ATP1A3: variants seen among roughly 807,000 people sequenced by gnomAD.
ATP1A3 encodes the protein sodium/potassium-transporting ATPase subunit alpha-3.
A neutral mutation model predicts 108.8 loss-of-function variants in ATP1A3; 12 were observed. That is an observed-to-expected ratio of 0.11 (90% CI 0.07 to 0.18). ATP1A3 has a LOEUF of 0.18. ATP1A3 is among the 10% of genes least tolerant of loss of function. The probability of loss-of-function intolerance (pLI) is 1.00; values close to 1 mark genes in which losing one functional copy is unlikely to be tolerated. For missense variants in ATP1A3, 498 were observed against 1,387.7 expected, an observed-to-expected ratio of 0.36 and a Z score of 10.19; for synonymous variants, 539 against 564.5, an observed-to-expected ratio of 0.95 and a Z score of 0.64.
intron 1 of ATP1A3, 76 bp downstream of exon 1, chr19:41,993,995 C>G: frequency 6.3e-7 from 1 of 1,591,412 alleles, no homozygotes; most frequent in Non-Finnish European, 8.5e-7. Flanking sequence ...CCGGTGCCCC[C>G]GCCCCCCGCG....
At chr19:41,973,584 C>T (rs2145955699) in intron 16 of ATP1A3, among the ~76,000 whole-genome samples, 1 of 152,310 alleles carries the variant, frequency 6.6e-6, no homozygotes, top group Non-Finnish European at 1.5e-5. Context: ...TTTCTTCCCT[C>T]ACTTCAGAGA....
rs1167271636 is a variant in ATP1A3, at chr19:41,986,211, G to A, written c.376C>T (p.Leu126=). The A allele has an allele frequency of 1.9e-6, 3 of 1,613,894 alleles. No homozygotes were observed. The highest frequency in any genetic ancestry group is 2.7e-5 in the African/African-American group (2 of 74,874). Residue 126 remains leucine, a synonymous_variant, in exon 5 of 23, where the codon CTG becomes TTG. Coordinates refer to ENST00000648268, the MANE Select transcript of ATP1A3 (RefSeq NM_152296.5). ...SGDNLYLGIV[L]AAVVIITGCF... ...CCAGTGATGATCACCACGGCCGCCA[G>A]CACGATGCCCAGGTACAGCTGTGGG...
At position 41,966,641 on chromosome 19, in the gene ATP1A3, G is replaced by A. The variant is rs149277536; in HGVS notation, c.*296C>T. 551 of 1,504,152 alleles carry A rather than the reference G, an allele frequency of 3.7e-4. No individual in the cohort carries two copies. The African/African-American group carries it at 7.2e-3, about 20-fold the overall frequency. The allele number at this position is 1,504,152 out of a possible 1,614,324, so 93.2% of individuals were successfully genotyped here. The stretch of plus-strand genomic sequence containing the variant: ...CAGAACCAGAGATGGCATCAGCCGG[G>A]GGGCTGAAGGGGAGTAAAAAAGAGC... On this transcript the variant is annotated 3_prime_UTR_variant, in exon 23 of 23. Coordinates refer to ENST00000648268, the MANE Select transcript of ATP1A3 (RefSeq NM_152296.5).
chr19:41,990,049 C>T (rs868978111), intron 1 of ATP1A3, among the ~76,000 whole-genome samples: 1 of 152,114 alleles, frequency 6.6e-6, no homozygotes, highest in African/African-American at 2.4e-5. Context: ...GAGTTGGCGT[C>T]TCAAGGATCA....
At chr19:41,972,867 A>AGGC (rs2075127082) in intron 16 of ATP1A3, among the ~76,000 whole-genome samples, 9 of 129,994 alleles carry the variant, frequency 6.9e-5, no homozygotes, top group African/African-American at 2.9e-4. Flanking sequence ...GGAAAGAAGG[A>AGGC]AGGAAGGCAG....
intron 1 of ATP1A3, among the ~76,000 whole-genome samples, chr19:41,991,872 G>GC (rs2075342373): frequency 3.4e-5 from 5 of 148,238 alleles, no homozygotes; most frequent in South Asian, 4.4e-4. Context: ...GGGAGGAGGG[G>GC]CTGGGGCTGG....
In ATP1A3 at chr19:41,970,334, G is replaced by A. The variant is rs189151960; in HGVS notation, c.2419-26C>T. 735 of 1,614,000 alleles carry A rather than the reference G, an allele frequency of 4.6e-4. 13 individuals are homozygous for A. The South Asian group carries it at 7.0e-3, about 15-fold the overall frequency. ...CTAGGCGGAGGAGGCCGGGTGAGCC[G>A]GAGAGGGGAGGACTCCACCCTCCTG... On this transcript the variant is annotated intron_variant, in intron 17 of 22. Coordinates refer to ENST00000648268, the MANE Select transcript of ATP1A3 (RefSeq NM_152296.5).
chr19:41,988,275 T>A lies in ATP1A3; in HGVS notation c.153+43A>T, dbSNP rs1555866177. ...CCCAGGGGTCCTAGCCCCCAGCTCC[T>A]CCTCCCTAGTTCCCAGGGTCCCAGC... On this transcript the variant is annotated intron_variant, in intron 3 of 22. Coordinates refer to ENST00000648268, the MANE Select transcript of ATP1A3 (RefSeq NM_152296.5). This position sits in a 1 kb window ranked among gnomAD's most constrained non-coding sequence, Gnocchi z 5.3. The A allele has an allele frequency of 1.2e-6, 2 of 1,613,678 alleles. No individual in the cohort carries two copies. The highest frequency in any genetic ancestry group is 2.2e-5 in the South Asian group (2 of 91,062).
chr19:41,968,925 C>T lies in ATP1A3; in HGVS notation c.2689-10G>A, dbSNP rs781865927. The T allele has an allele frequency of 1.2e-5, 19 of 1,613,450 alleles. No homozygotes were observed. The highest frequency in any genetic ancestry group is 1.6e-4 in the Middle Eastern group (1 of 6,082). On this transcript the variant is annotated splice_polypyrimidine_tract_variant and intron_variant, in intron 19 of 22. Transcript: ENST00000648268. The surrounding 1 kb of genome is among the most constrained non-coding windows in gnomAD (Gnocchi z 5.0). ...TCCTCTGCTCGTATGTCTGCAGGAGCGGTGACCAGGGCACGGGACGTCAGT... is the reference window on the plus strand; with the variant it reads ...TCCTCTGCTCGTATGTCTGCAGGAGTGGTGACCAGGGCACGGGACGTCAGT...
At position 41,970,668 on chromosome 19, in the gene ATP1A3, G is replaced by A; in HGVS notation, c.2264-126C>T. ...TTTTTTTGAGACAGAGTCTCGCTGT[G>A]TTGCCCAGGCTGGAGTGCAGTGGTG... On this transcript the variant is annotated intron_variant, in intron 16 of 22. Transcript: ENST00000648268. 2.6e-6 allele frequency: 3 copies of A among 1,168,664 alleles called. No homozygotes were observed. In the South Asian group the frequency reaches 4.6e-5, roughly 18 times the overall value. The allele number at this position is 1,168,664 out of a possible 1,614,324, so 72.4% of individuals were successfully genotyped here. A position where few individuals can be genotyped will look rare whatever the true frequency, so the allele number is the denominator to read the frequency against.
In ATP1A3 at chr19:41,966,781, G is replaced by C; in HGVS notation, c.*156C>G. On this transcript the variant is annotated 3_prime_UTR_variant, in exon 23 of 23. Transcript: ENST00000648268. ...GGGCAGGGGAGAGAAGCCAGCCAGA[G>C]TGGGGGCGGCAGGAGATAGTGGAGG... 1 of 1,522,794 alleles carries C rather than the reference G, an allele frequency of 6.6e-7. No individual in the cohort carries two copies. The highest frequency in any genetic ancestry group is 8.9e-7 in the Non-Finnish European group (1 of 1,126,832). The allele number at this position is 1,522,794 out of a possible 1,614,324, so 94.3% of individuals were successfully genotyped here.
In ATP1A3 at chr19:41,981,864, C is replaced by T; in HGVS notation, c.1193-33G>A. On this transcript the variant is annotated intron_variant, in intron 9 of 22. Transcript: ENST00000648268. This position sits in a 1 kb window ranked among gnomAD's most constrained non-coding sequence, Gnocchi z 5.0. Reference sequence around the variant, plus strand: ...AGGCATGTGTGAGGGCCAGGGACTCCTGGAGCCAGGCCCCCATGGTCCTCA... The same window carrying T: ...AGGCATGTGTGAGGGCCAGGGACTCTTGGAGCCAGGCCCCCATGGTCCTCA... The T allele has an allele frequency of 6.2e-7, 1 of 1,614,250 alleles. No homozygotes were observed. Among genetic ancestry groups the T allele is most frequent in the South Asian group, 1.1e-5 (1 of 91,090 alleles).
rs897749113 is a variant in ATP1A3, at chr19:41,978,402, C to T, written c.1631-76G>A. 1.4e-5 allele frequency: 22 copies of T among 1,521,212 alleles called. No individual in the cohort carries two copies. The highest frequency in any genetic ancestry group is 3.6e-4 in the Middle Eastern group (2 of 5,480). The allele number at this position is 1,521,212 out of a possible 1,614,324, so 94.2% of individuals were successfully genotyped here. On this transcript the variant is annotated intron_variant, in intron 12 of 22. Coordinates refer to ENST00000648268, the MANE Select transcript of ATP1A3 (RefSeq NM_152296.5). This position sits in a 1 kb window ranked among gnomAD's most constrained non-coding sequence, Gnocchi z 8.3. ...GCCCCATGCCCCTAGATGTCTGCAT[C>T]GCCCGCATTCCATCTCCCCATCAGC...
intron 14 of ATP1A3, among the ~76,000 whole-genome samples, chr19:41,977,265 A>G (rs2075181565): frequency 6.6e-6 from 1 of 152,208 alleles, no homozygotes; most frequent in Non-Finnish European, 1.5e-5. Flanking sequence ...AGACAGACAC[A>G]GAAGTACTGG....
chr19:41,985,223 T>TC lies in ATP1A3; in HGVS notation c.725-38dup, dbSNP rs1555864961. ...AGGGGTTAGGCTGAGGTGGGGTGGC[T>TC]CAGGGAGGTTCTGGAGGCCTGACCC... On this transcript the variant is annotated intron_variant, in intron 7 of 22. Coordinates refer to ENST00000648268, the MANE Select transcript of ATP1A3 (RefSeq NM_152296.5). This position sits in a 1 kb window ranked among gnomAD's most constrained non-coding sequence, Gnocchi z 8.2. 6.2e-7 allele frequency: 1 copy of TC among 1,613,834 alleles called. No homozygotes were observed. Among genetic ancestry groups the TC allele is most frequent in the East Asian group, 2.2e-5 (1 of 44,874 alleles).
Position 41,978,309 on chromosome 19 carries a change from G to C in ATP1A3, c.1648C>G (p.Leu550Val). 6.2e-7 allele frequency: 1 copy of C among 1,604,778 alleles called. No homozygotes were observed. ...ERVLGFCHYY[L>V]PEEQFPKGFA... ...CCCTTGGGGAACTGCTCCTCGGGCA[G>C]GTAATAATGGCAGAAACCTAGTGGC... Residue 550 changes from leucine (L) to valine (V), a missense_variant, in exon 13 of 23, where the codon CTG becomes GTG. By Grantham distance (32) the Leu-to-Val change is conservative. Around this residue, in one of 9 missense-constraint regions of ATP1A3, gnomAD observed 92 missense variants for 168.7 expected, o/e 0.55. Coordinates refer to ENST00000648268, the MANE Select transcript of ATP1A3 (RefSeq NM_152296.5). This position sits in a 1 kb window ranked among gnomAD's most constrained non-coding sequence, Gnocchi z 8.3.
intron 18 of ATP1A3, 142 bp downstream of exon 18, chr19:41,970,043 C>T: frequency 7.3e-7 from 1 of 1,369,870 alleles, no homozygotes; most frequent in Non-Finnish European, 1.0e-6. Flanking sequence ...GTGCAGACCC[C>T]CCCCACAGAT....
At position 41,968,983 on chromosome 19, in the gene ATP1A3, C is replaced by T. The variant is rs554274211; in HGVS notation, c.2689-68G>A. ...ACTGCAGCCCTAGCCGCCACCCCGA[C>T]GTTCCGGTGCTCTTTGCCCCGCCCC... On this transcript the variant is annotated intron_variant, in intron 19 of 22. Transcript: ENST00000648268. This position sits in a 1 kb window ranked among gnomAD's most constrained non-coding sequence, Gnocchi z 5.0. The T allele has an allele frequency of 9.9e-5, 160 of 1,608,544 alleles. No individual in the cohort carries two copies. Among genetic ancestry groups the T allele is most frequent in the Non-Finnish European group, 1.2e-4 (146 of 1,177,724 alleles).
chr19:41,988,382 G>A lies in ATP1A3; in HGVS notation c.94-5C>T, dbSNP rs1599726017. ...CACTGACATCTTGTGCTCTGTCTGA[G>A]GAACAGGAGTTTGGGGGAGACGGTG... is the stretch of plus-strand genomic sequence containing the variant. On this transcript the variant is annotated splice_region_variant and splice_polypyrimidine_tract_variant and intron_variant, in intron 2 of 22. Transcript: ENST00000648268. This position sits in a 1 kb window ranked among gnomAD's most constrained non-coding sequence, Gnocchi z 5.3. 1.2e-6 allele frequency: 2 copies of A among 1,614,194 alleles called. No homozygotes were observed. Among genetic ancestry groups the A allele is most frequent in the African/African-American group, 1.3e-5 (1 of 75,054 alleles).
Sources: gnomAD v4.1 joint callset for allele counts (sites outside exome capture counted in the v4.1 genomes callset) on GRCh38, gnomAD v4.1.1 for gene constraint, gnomAD v4.1.1 regional missense constraint, Gnocchi (gnomAD v3.1) non-coding constraint, MANE v1.5 for transcripts, NCBI Gene and HGNC (gene_info 2026-07-23, HGNC 2026-07-21) for gene names.